PAK3: variants seen among roughly 807,000 people sequenced by gnomAD.
PAK3 encodes p21 (RAC1) activated kinase 3.
In PAK3, 4 loss-of-function variants were observed where a neutral mutation model predicts 41.0. The ratio of observed to expected loss-of-function variants is 0.10; its 90% CI spans 0.05 to 0.22. The LOEUF (loss-of-function observed/expected upper bound fraction) is 0.22, where lower values mean the gene tolerates loss of function less well. PAK3 is among the 10% of genes least tolerant of loss of function. The probability of loss-of-function intolerance (pLI) is 1.00; values close to 1 mark genes in which losing one functional copy is unlikely to be tolerated. For missense variants in PAK3, 205 were observed against 409.9 expected (o/e 0.50, Z 4.32); for synonymous variants, 146 against 139.6 (o/e 1.05, Z -0.32).
At chrX:110,998,389 T>G (rs1352117553) in intron 1 of PAK3, among the ~76,000 whole-genome samples, 2 of 112,274 alleles carry the variant, frequency 1.8e-5, no homozygotes, top group Non-Finnish European at 3.8e-5. Context: ...TGTCAAGCAC[T>G]GCAGATAGCT....
intron 16 of PAK3, among the ~76,000 whole-genome samples, chrX:111,199,476 C>T (rs1416917985): frequency 9.0e-6 from 1 of 110,778 alleles, no homozygotes; most frequent in African/African-American, 3.3e-5. Context: ...GGAGAAAGTA[C>T]TTTTATTACA....
chrX:111,159,444 T>C (rs768937931), intron 8 of PAK3, among the ~76,000 whole-genome samples: 2 of 111,506 alleles, frequency 1.8e-5, no homozygotes, highest in East Asian at 5.6e-4. Context: ...AAGGTTCGTA[T>C]TGCCTAATAG....
intron 17 of PAK3, among the ~76,000 whole-genome samples, chrX:111,217,343 A>C (rs1032998547): frequency 8.9e-6 from 1 of 111,945 alleles, no homozygotes; most frequent in African/African-American, 3.3e-5. Context: ...ACATAGCTTC[A>C]CTGCTGGGGA....
At chrX:111,171,931 G>C (rs1255415780) in intron 10 of PAK3, among the ~76,000 whole-genome samples, 1 of 111,510 alleles carries the variant, frequency 9.0e-6, no homozygotes, top group African/African-American at 3.3e-5. Flanking sequence ...TCCTAGGTTT[G>C]GAAATATATG....
In PAK3 at chrX:110,969,087, CT is replaced by C. The variant is rs1202507550; in HGVS notation, c.-28+24460del. ...GGATTAAAGGCATGTGCTACCAGAC[CT>C]GCCTAATTTTTTTTTTTTTTTTTTT... On this transcript the variant is annotated intron_variant, in intron 1 of 14. Coordinates refer to the PAK3 transcript ENST00000425146. 1.4e-4 allele frequency among the ~76,000 whole-genome samples: 9 copies of C among 63,808 alleles called. No homozygotes were observed. The Admixed American group carries it at 2.1e-3, about 15-fold the overall frequency. 55.4% of individuals were successfully genotyped at this position (63,808 alleles called of 115,157 possible).
At chrX:110,979,487 C>T (rs2091411455) in intron 1 of PAK3, among the ~76,000 whole-genome samples, 1 of 109,198 alleles carries the variant, frequency 9.2e-6, no homozygotes, top group South Asian at 4.1e-4. Context: ...TCAGTAGAGA[C>T]GGGGTTTCAC....
chrX:111,175,458 G>C (rs920060541), intron 11 of PAK3, among the ~76,000 whole-genome samples: 1 of 111,960 alleles, frequency 8.9e-6, no homozygotes, highest in Non-Finnish European at 1.9e-5. Context: ...AAAACTTTAT[G>C]TAACTCTAAG....
At chrX:111,109,829 A>G (rs2093339109) in intron 4 of PAK3, among the ~76,000 whole-genome samples, 1 of 112,472 alleles carries the variant, frequency 8.9e-6, no homozygotes, top group Non-Finnish European at 1.9e-5. Flanking sequence ...ACAAAGCCCT[A>G]AGAACATTCA....
chrX:111,051,185 A>T (rs923662301), intron 1 of PAK3, among the ~76,000 whole-genome samples: 1 of 111,706 alleles, frequency 9.0e-6, no homozygotes, highest in African/African-American at 3.3e-5. Flanking sequence ...GTTGGGGGAA[A>T]AAAGTAAGCT....
chrX:111,185,843 A>G (rs951479000), intron 11 of PAK3, among the ~76,000 whole-genome samples: 16 of 110,914 alleles, frequency 1.4e-4, no homozygotes, highest in Non-Finnish European at 2.6e-4. Context: ...TGTCTTGGCT[A>G]TATAAAATTT....
At chrX:110,961,802 G>T (rs1442058440) in intron 1 of PAK3, among the ~76,000 whole-genome samples, 5 of 111,763 alleles carry the variant, frequency 4.5e-5, no homozygotes, top group Non-Finnish European at 7.5e-5. Context: ...AACACATTTT[G>T]CTGTGGACAC....
intron 5 of PAK3, among the ~76,000 whole-genome samples, chrX:111,138,023 C>G (rs748372893): frequency 9.2e-6 from 1 of 108,497 alleles, no homozygotes; most frequent in African/African-American, 3.4e-5. Flanking sequence ...TTGCTAAACA[C>G]TTACTGAAAG....
intron 1 of PAK3, among the ~76,000 whole-genome samples, chrX:111,040,238 T>A (rs1451874389): frequency 2.7e-5 from 3 of 110,729 alleles, no homozygotes; most frequent in African/African-American, 9.9e-5. Context: ...CGATTTCCCC[T>A]TCTCTAAATT....
Position 111,222,625 on chromosome X carries a change from G to A in PAK3, c.*2178G>A, listed in dbSNP as rs1033519273. 6.3e-5 allele frequency: 7 copies of A among 111,726 alleles called. No individual in the cohort carries two copies. The highest frequency in any genetic ancestry group is 1.6e-4 in the African/African-American group (5 of 30,732). 9.2% of individuals were successfully genotyped at this position (111,726 alleles called of 1,213,427 possible). A position where few individuals can be genotyped will look rare whatever the true frequency, so the allele number is the denominator to read the frequency against. On this transcript the variant is annotated 3_prime_UTR_variant, in exon 18 of 18. Transcript: ENST00000372007. ...TAAAAAATTTTTCACTCATAGTGCC[G>A]GGAAATTCAATGAAATCCTGGGATG...
At chrX:111,110,676 A>G (rs988724584) in intron 4 of PAK3, among the ~76,000 whole-genome samples, 1 of 110,859 alleles carries the variant, frequency 9.0e-6, no homozygotes, top group African/African-American at 3.3e-5. Context: ...AGGCATAAAT[A>G]CTGTGTGGTT....
Position 111,220,966 on chromosome X carries a change from A to G in PAK3, c.*519A>G, listed in dbSNP as rs756364847. 1 of 109,457 alleles carries G rather than the reference A, an allele frequency of 9.1e-6. No individual in the cohort carries two copies. The highest frequency in any genetic ancestry group is 3.5e-5 in the African/African-American group (1 of 28,643). 9.0% of individuals were successfully genotyped at this position (109,457 alleles called of 1,213,427 possible). A position where few individuals can be genotyped will look rare whatever the true frequency, so the allele number is the denominator to read the frequency against. ...AAGGCAAAAAAAAAAAAAAAAACAA[A>G]CAAAAACAAAAACAAAACAAAAACA... On this transcript the variant is annotated 3_prime_UTR_variant, in exon 18 of 18. Coordinates refer to ENST00000372007, the MANE Select transcript of PAK3 (RefSeq NM_002578.5).
At chrX:111,191,424 A>G (rs969737103) in intron 11 of PAK3, among the ~76,000 whole-genome samples, 6 of 111,799 alleles carry the variant, frequency 5.4e-5, no homozygotes, top group Non-Finnish European at 1.1e-4. Flanking sequence ...TTAAAAGAAT[A>G]TTGGGCTGGA....
chrX:111,184,745 C>T (rs1401925640), intron 11 of PAK3, among the ~76,000 whole-genome samples: 1 of 111,444 alleles, frequency 9.0e-6, no homozygotes, highest in East Asian at 2.8e-4. Context: ...CTTTTTATGG[C>T]TGCATAGTAC....
chrX:111,178,976 T>TAG (rs199904867), intron 11 of PAK3, among the ~76,000 whole-genome samples: 96 of 96,110 alleles, frequency 1.0e-3, no homozygotes, highest in African/African-American at 3.3e-3. Flanking sequence ...TATATATATA[T>TAG]ATATAGAGAG....
Sources: allele counts gnomAD v4.1 joint callset (sites outside exome capture counted in the v4.1 genomes callset), GRCh38; gene constraint gnomAD v4.1.1; transcripts MANE v1.5; gene names NCBI Gene and HGNC (gene_info 2026-07-23, HGNC 2026-07-21).